The following TMPRSS2 variants were observed in gnomAD, a reference collection of about 807,000 sequenced individuals.
TMPRSS2 encodes transmembrane serine protease 2.
A neutral mutation model predicts 67.4 loss-of-function variants in TMPRSS2; 59 were observed. The observed-to-expected ratio is 0.88, with a 90% CI of 0.71 to 1.09. The LOEUF is 1.09. Among genes scored for constraint, TMPRSS2 ranks in the 50% least tolerant of loss-of-function variants. The pLI is 0.00. For missense variants in TMPRSS2, 668 were observed against 642.7 expected (o/e 1.04, Z -0.43); for synonymous variants, 257 against 257.0 (o/e 1.00, Z 0.00).
chr21:41,488,587 G>A (rs536039173), intron 4 of TMPRSS2, 74 bp from the exon 5 acceptor site: 31 of 1,504,566 alleles, frequency 2.1e-5, no homozygotes, highest in East Asian at 2.4e-5. Context: ...GAGGAACACC[G>A]TGGCATTACT....
intron 4 of TMPRSS2, 122 bp from the exon 5 acceptor site, chr21:41,488,635 G>T: frequency 9.5e-7 from 1 of 1,056,786 alleles, no homozygotes; most frequent in Non-Finnish European, 1.3e-6. Flanking sequence ...GCCCCACTGT[G>T]TTTTGTTTTG....
At chr21:41,485,527 T>C (rs912671149) in intron 5 of TMPRSS2, among the ~76,000 whole-genome samples, 5 of 151,886 alleles carry the variant, frequency 3.3e-5, no homozygotes, top group Non-Finnish European at 7.4e-5. Context: ...CGAGCACCTG[T>C]AGTCCCAGCC....
intron 1 of TMPRSS2, among the ~76,000 whole-genome samples, chr21:41,504,389 T>C (rs1489818860): frequency 6.6e-6 from 1 of 152,168 alleles, no homozygotes; most frequent in African/African-American, 2.4e-5. Context: ...GAAAAGCCTG[T>C]CTTCGAGTTT....
At chr21:41,492,923 C>T (rs1259743272) in intron 3 of TMPRSS2, among the ~76,000 whole-genome samples, 1 of 152,184 alleles carries the variant, frequency 6.6e-6, no homozygotes, top group African/African-American at 2.4e-5. Context: ...TCCCCTTCAC[C>T]CTGGCTTCCT....
Position 41,494,473 on chromosome 21 carries a change from G to A in TMPRSS2, c.121C>T (p.Pro41Ser), listed in dbSNP as rs2146483784. The A allele has an allele frequency of 3.7e-6, 6 of 1,614,134 alleles. No individual in the cohort carries two copies. The highest frequency in any genetic ancestry group is 5.1e-6 in the Non-Finnish European group (6 of 1,180,004). The change falls in exon 3 of 14, where the codon CCG becomes TCG. Residue 41 changes from proline (P) to serine (S), a missense_variant. Coordinates refer to ENST00000332149, the MANE Select transcript of TMPRSS2 (RefSeq NM_005656.4). The stretch of plus-strand genomic sequence containing the variant: ...ACGGGGGACGGGTAGTACTGAGCCG[G>A]ATGCACCTCGTAGACAGTGGGGACC... Reference protein sequence around the residue: ...TVVPTVYEVHPAQYYPSPVPQ... With the variant: ...TVVPTVYEVHSAQYYPSPVPQ...
At position 41,494,447 on chromosome 21, in the gene TMPRSS2, CACGGGGG is replaced by C. The variant is rs781272749; in HGVS notation, c.140_146del (p.Ser47CysfsTer9). 6 of 1,613,722 alleles carry C rather than the reference CACGGGGG, an allele frequency of 3.7e-6. No individual in the cohort carries two copies. The highest frequency in any genetic ancestry group is 5.1e-6 in the Non-Finnish European group (6 of 1,179,884). ...TCAGGACCCTCGGGGCGTACTGGGG[CACGGGGG>C]ACGGGTAGTACTGAGCCGGATGCAC... On this transcript the variant is annotated frameshift_variant, in exon 3 of 14. Transcript: ENST00000332149. LOFTEE classifies it high-confidence loss of function.
chr21:41,500,754 A>T (rs1242587550), intron 1 of TMPRSS2, among the ~76,000 whole-genome samples: 2 of 152,252 alleles, frequency 1.3e-5, no homozygotes, highest in African/African-American at 4.8e-5. Flanking sequence ...AAGGATCACC[A>T]TTTAAAATGT....
At chr21:41,472,527 G>T (rs1420982491) in intron 9 of TMPRSS2, among the ~76,000 whole-genome samples, 1 of 151,936 alleles carries the variant, frequency 6.6e-6, no homozygotes, top group Non-Finnish European at 1.5e-5. Flanking sequence ...TTCCTAGAGG[G>T]CCCAGAGCAC....
Position 41,466,015 on chromosome 21 carries a change from C to A in TMPRSS2, c.*127G>T, listed in dbSNP as rs944652829. On this transcript the variant is annotated 3_prime_UTR_variant, in exon 14 of 14. Coordinates refer to ENST00000332149, the MANE Select transcript of TMPRSS2 (RefSeq NM_005656.4). Reference sequence around the variant, plus strand: ...AATGGCAGAGAGTGCCAAAGCCAGACAAGTTCACTGTTTAATAAAAATGAA... The same window carrying A: ...AATGGCAGAGAGTGCCAAAGCCAGAAAAGTTCACTGTTTAATAAAAATGAA... The A allele has an allele frequency of 2.2e-5, 26 of 1,208,990 alleles. No individual in the cohort carries two copies. The African/African-American group carries it at 3.3e-4, about 15-fold the overall frequency. The allele number at this position is 1,208,990 out of a possible 1,614,324, so 74.9% of individuals were successfully genotyped here. A position where few individuals can be genotyped will look rare whatever the true frequency, so the allele number is the denominator to read the frequency against.
At chr21:41,499,803 AT>A (rs947004601) in intron 1 of TMPRSS2, among the ~76,000 whole-genome samples, 6 of 151,362 alleles carry the variant, frequency 4.0e-5, no homozygotes, top group African/African-American at 1.2e-4. Flanking sequence ...TCATTGGACG[AT>A]TTTTTTTTCT....
rs191223345 is a variant in TMPRSS2 at position 41,477,058 on chromosome 21, A to T, written c.684-438T>A. The stretch of plus-strand genomic sequence containing the variant: ...TAACCAATAGTTTCCCTAGGATTAG[A>T]AGAAACGTAAGAGTTACTCATTTGG... On this transcript the variant is annotated intron_variant, in intron 7 of 13. Transcript: ENST00000332149. Among the ~76,000 whole-genome samples, 3 of 152,346 alleles carry T rather than the reference A, an allele frequency of 2.0e-5. No individual in the cohort carries two copies. The East Asian group carries it at 5.8e-4, about 29-fold the overall frequency.
intron 5 of TMPRSS2, among the ~76,000 whole-genome samples, chr21:41,483,575 C>T (rs1185313825): frequency 2.0e-5 from 3 of 147,432 alleles, no homozygotes; most frequent in African/African-American, 4.9e-5. Context: ...GGATTACAGG[C>T]GTGAGCCAGC....
At chr21:41,467,978 G>A (rs1466152251) in intron 12 of TMPRSS2, 92 bp from the exon 13 acceptor site, 2 of 1,443,842 alleles carry the variant, frequency 1.4e-6, no homozygotes, top group Non-Finnish European at 1.9e-6. Context: ...GGGGGCGGGG[G>A]TCGCAGTGTG....
At chr21:41,469,863 G>A (rs111572592) in intron 11 of TMPRSS2, among the ~76,000 whole-genome samples, 1,764 of 152,240 alleles carry the variant, frequency 0.012, 15 homozygotes, top group Non-Finnish European at 0.019. Flanking sequence ...GTGCAGGTGC[G>A]CACAAATATT....
intron 3 of TMPRSS2, among the ~76,000 whole-genome samples, chr21:41,490,206 G>A (rs1417120996): frequency 6.8e-6 from 1 of 146,688 alleles, no homozygotes; most frequent in Non-Finnish European, 1.5e-5. Context: ...GATGATTAAT[G>A]TAAAAAAAAA....
At chr21:41,493,215 G>T (rs1043565173) in intron 3 of TMPRSS2, among the ~76,000 whole-genome samples, 10 of 152,166 alleles carry the variant, frequency 6.6e-5, no homozygotes, top group African/African-American at 2.4e-4. Context: ...GCAAACACAA[G>T]TATCTGCTTG....
At chr21:41,497,450 C>T (rs546510868) in intron 2 of TMPRSS2, among the ~76,000 whole-genome samples, 7 of 152,294 alleles carry the variant, frequency 4.6e-5, no homozygotes, top group African/African-American at 9.6e-5. Context: ...ACTTGCCATC[C>T]ACTAGCAAGC....
intron 12 of TMPRSS2, 133 bp downstream of exon 12, chr21:41,468,263 A>G (rs2091101083): frequency 8.6e-7 from 1 of 1,157,602 alleles, no homozygotes; most frequent in Non-Finnish European, 1.2e-6. Context: ...TGTGGCCGTC[A>G]CTTCCCATGA....
At chr21:41,505,190 C>G (rs1036158083) in intron 1 of TMPRSS2, among the ~76,000 whole-genome samples, 1 of 152,126 alleles carries the variant, frequency 6.6e-6, no homozygotes, top group African/African-American at 2.4e-5. Flanking sequence ...AGGCTTAGAT[C>G]TGATCAGTGC....
Sources: gnomAD v4.1 joint callset for allele counts (sites outside exome capture counted in the v4.1 genomes callset) on GRCh38, gnomAD v4.1.1 for gene constraint, MANE v1.5 for transcripts, NCBI Gene and HGNC (gene_info 2026-07-23, HGNC 2026-07-21) for gene names.